GPHN: variants seen among roughly 807,000 people sequenced by gnomAD.
GPHN encodes gephyrin.
GPHN carries 17 observed loss-of-function variants against 95.5 expected under a neutral mutation model. That is an observed-to-expected ratio of 0.18 (90% confidence interval 0.12 to 0.27). The LOEUF is 0.27. Among genes scored for constraint, GPHN ranks in the 10% least tolerant of loss-of-function variants. GPHN has a pLI of 1.00. For missense variants in GPHN, 660 were observed against 978.1 expected, an observed-to-expected ratio of 0.67 and a Z score of 4.34; for synonymous variants, 320 against 322.5, an observed-to-expected ratio of 0.99 and a Z score of 0.08.
At chr14:66,781,255 C>T (rs1199335322) in intron 3 of GPHN, among the ~76,000 whole-genome samples, 19 of 149,336 alleles carry the variant, frequency 1.3e-4, no homozygotes, top group African/African-American at 3.5e-4. Context: ...GAGTCTCTGT[C>T]GCCCGGGCTT....
At chr14:66,710,628 A>C (rs939790740) in intron 2 of GPHN, among the ~76,000 whole-genome samples, 2 of 152,188 alleles carry the variant, frequency 1.3e-5, no homozygotes, top group Non-Finnish European at 2.9e-5. Flanking sequence ...TAAGGGAATA[A>C]ATGATTGATG....
At chr14:67,663,731 G>C in the GPHN span, among the ~76,000 whole-genome samples, 1 of 152,100 alleles carries the variant, frequency 6.6e-6, no homozygotes, top group Non-Finnish European at 1.5e-5. Context: ...ACTTGCGGAT[G>C]GCAAAAATTA....
At chr14:67,379,740 C>T in the GPHN span, among the ~76,000 whole-genome samples, 3 of 137,930 alleles carry the variant, frequency 2.2e-5, no homozygotes, top group Non-Finnish European at 4.5e-5. Context: ...CTGCAAGCTC[C>T]GCCTCCCGGG....
At chr14:66,977,877 T>A (rs1344344606) in intron 9 of GPHN, among the ~76,000 whole-genome samples, 1 of 152,228 alleles carries the variant, frequency 6.6e-6, no homozygotes, top group Non-Finnish European at 1.5e-5. Flanking sequence ...GTAGCCAAAC[T>A]TAATAAAGCC....
At chr14:67,279,002 C>T in the GPHN span, 2 of 596,138 alleles carry the variant, frequency 3.4e-6, no homozygotes, top group Admixed American at 7.5e-5. Context: ...TTTTTCCCCC[C>T]CATCTTTCCC....
At chr14:67,673,629 T>C in the GPHN span, among the ~76,000 whole-genome samples, 7 of 152,236 alleles carry the variant, frequency 4.6e-5, no homozygotes, top group Non-Finnish European at 7.3e-5. Flanking sequence ...TCAATTCCTA[T>C]GACCTTGAGT....
the GPHN span, chr14:67,353,698 C>G: frequency 2.0e-5 from 3 of 152,238 alleles, no homozygotes; most frequent in African/African-American, 7.3e-5. Flanking sequence ...ACCATACTGA[C>G]CAGGCTCATC....
intron 3 of GPHN, among the ~76,000 whole-genome samples, chr14:66,807,536 A>G (rs569751831): frequency 2.0e-5 from 3 of 152,310 alleles, no homozygotes; most frequent in East Asian, 1.9e-4. Context: ...CGTGAATGCT[A>G]TAAACTCACT....
chr14:66,513,053 T>C (rs2058099406), intron 1 of GPHN, among the ~76,000 whole-genome samples: 1 of 151,792 alleles, frequency 6.6e-6, no homozygotes, highest in African/African-American at 2.4e-5. Context: ...TTGAAATAGA[T>C]TGTTATTTTG....
the GPHN span, among the ~76,000 whole-genome samples, chr14:67,399,915 G>T: frequency 2.0e-5 from 3 of 152,186 alleles, no homozygotes; most frequent in Admixed American, 6.5e-5. Flanking sequence ...CACCTTCCTG[G>T]GATATTTCCA....
At chr14:66,991,637 T>G (rs1442272909) in intron 9 of GPHN, among the ~76,000 whole-genome samples, 5 of 150,490 alleles carry the variant, frequency 3.3e-5, no homozygotes, top group Non-Finnish European at 5.9e-5. Context: ...AAAAAAAAAT[T>G]TAAAGGCAAG....
Position 66,651,041 on chromosome 14 carries a change from G to C in GPHN, c.65-30066G>C, listed in dbSNP as rs145435218. Among the ~76,000 whole-genome samples the C allele has an allele frequency of 6.5e-3, 987 of 152,228 alleles. 8 individuals carry two copies. Among genetic ancestry groups the C allele is most frequent in the African/African-American group, 0.023 (941 of 41,538 alleles). On this transcript the variant is annotated intron_variant, in intron 1 of 22. Coordinates refer to ENST00000478722, the MANE Select transcript of GPHN (RefSeq NM_020806.5). Reference sequence around the variant, plus strand: ...TGTTTGCGCAGCTCTGTGAGGAGATGGACACAGAGCACACACATCTTCTCT... The same window carrying C: ...TGTTTGCGCAGCTCTGTGAGGAGATCGACACAGAGCACACACATCTTCTCT...
At chr14:66,981,468 T>C (rs181605491) in intron 9 of GPHN, among the ~76,000 whole-genome samples, 1 of 150,354 alleles carries the variant, frequency 6.7e-6, no homozygotes, top group Non-Finnish European at 1.5e-5. Flanking sequence ...AGCAAAACTT[T>C]AAAAAAAAAA....
At chr14:66,982,944 T>C (rs1366824107) in intron 9 of GPHN, among the ~76,000 whole-genome samples, 1 of 152,124 alleles carries the variant, frequency 6.6e-6, no homozygotes, top group Non-Finnish European at 1.5e-5. Flanking sequence ...TAAATTCTTA[T>C]CTAAAATGTA....
At chr14:67,459,555 T>A in the GPHN span, among the ~76,000 whole-genome samples, 1 of 152,216 alleles carries the variant, frequency 6.6e-6, no homozygotes. Context: ...CACACCCTGA[T>A]ACCCATCTTG....
the GPHN span, among the ~76,000 whole-genome samples, chr14:67,195,694 C>T: frequency 4.0e-5 from 6 of 149,638 alleles, no homozygotes; most frequent in African/African-American, 1.2e-4. Context: ...AATTATAGAA[C>T]TTAATGCTTT....
intron 8 of GPHN, among the ~76,000 whole-genome samples, chr14:66,957,130 A>AG (rs2068570684): frequency 6.8e-6 from 1 of 147,996 alleles, no homozygotes; most frequent in South Asian, 2.1e-4. Flanking sequence ...TAAAAAAAAA[A>AG]GAAAAAAAAA....
the GPHN span, among the ~76,000 whole-genome samples, chr14:67,715,402 A>G: frequency 6.6e-6 from 1 of 152,234 alleles, no homozygotes; most frequent in Non-Finnish European, 1.5e-5. Context: ...TCTAAGAGGC[A>G]TTTCTTTATC....
the GPHN span, chr14:67,364,703 A>G: frequency 4.1e-6 from 6 of 1,471,072 alleles, no homozygotes; most frequent in Non-Finnish European, 5.5e-6. Flanking sequence ...GGATGTGGAA[A>G]TTGATTTTTT....
Sources: gnomAD v4.1 joint callset for allele counts (sites outside exome capture counted in the v4.1 genomes callset) on GRCh38, gnomAD v4.1.1 for gene constraint, MANE v1.5 for transcripts, NCBI Gene and HGNC (gene_info 2026-07-23, HGNC 2026-07-21) for gene names.